The following ZBTB20 variants were observed in gnomAD, a reference collection of about 807,000 sequenced individuals.
ZBTB20 encodes the protein zinc finger and BTB domain containing 20.
A neutral mutation model predicts 56.9 loss-of-function variants in ZBTB20; 9 were observed. The observed-to-expected ratio is 0.16, with a 90% CI of 0.10 to 0.28. The LOEUF is 0.28. Among genes scored for constraint, ZBTB20 ranks in the 10% least tolerant of loss-of-function variants. The pLI, the probability that ZBTB20 is intolerant of heterozygous loss-of-function variation, is 1.00. For synonymous variants in ZBTB20, 417 were observed against 420.7 expected (o/e 0.99, Z 0.11); for missense variants, 655 against 1,003.0 (o/e 0.65, Z 4.69).
chr3:115,009,419 A>G (rs966160060), intron 2 of ZBTB20, among the ~76,000 whole-genome samples: 1 of 151,938 alleles, frequency 6.6e-6, no homozygotes, highest in African/African-American at 2.4e-5. Context: ...TATTCTCCCA[A>G]CAATGCTTTC....
intron 5 of ZBTB20, among the ~76,000 whole-genome samples, chr3:114,789,181 A>C (rs2070765412): frequency 6.6e-6 from 1 of 152,150 alleles, no homozygotes; most frequent in Non-Finnish European, 1.5e-5. Flanking sequence ...ATGTGTTCAA[A>C]TTTGGTCATT....
chr3:114,694,016 T>C (rs1432982414), intron 5 of ZBTB20, among the ~76,000 whole-genome samples: 3 of 152,148 alleles, frequency 2.0e-5, no homozygotes. Flanking sequence ...TCTTTGTTTT[T>C]AGTTGTTTGT....
chr3:114,990,679 G>GTACCTCCTT (rs2078763774), intron 2 of ZBTB20, among the ~76,000 whole-genome samples: 2 of 152,170 alleles, frequency 1.3e-5, no homozygotes, highest in Admixed American at 6.5e-5. Flanking sequence ...CAGGAGGAAT[G>GTACCTCCTT]GTACCAGCTC....
At chr3:115,049,233 A>G (rs1318706863) in intron 2 of ZBTB20, among the ~76,000 whole-genome samples, 1 of 152,150 alleles carries the variant, frequency 6.6e-6, no homozygotes, top group Non-Finnish European at 1.5e-5. Flanking sequence ...AGCAATTATT[A>G]TAAGATATTG....
At chr3:114,566,904 TAA>T in intron 6 of ZBTB20, among the ~76,000 whole-genome samples, 1 of 152,242 alleles carries the variant, frequency 6.6e-6, no homozygotes, top group Non-Finnish European at 1.5e-5. Context: ...AAGCTAATGA[TAA>T]TGGTTAGTGC....
intron 2 of ZBTB20, among the ~76,000 whole-genome samples, chr3:115,070,785 A>G (rs2082382639): frequency 6.6e-6 from 1 of 152,076 alleles, no homozygotes; most frequent in Non-Finnish European, 1.5e-5. Context: ...CCCAAAGCAT[A>G]AACATATATA....
At chr3:114,849,229 A>G (rs1009688006) in intron 4 of ZBTB20, among the ~76,000 whole-genome samples, 1 of 152,198 alleles carries the variant, frequency 6.6e-6, no homozygotes, top group African/African-American at 2.4e-5. Flanking sequence ...GGGATAATCT[A>G]ATCATTTCTT....
At chr3:114,894,904 T>C (rs2074808833) in intron 4 of ZBTB20, among the ~76,000 whole-genome samples, 1 of 152,198 alleles carries the variant, frequency 6.6e-6, no homozygotes, top group Non-Finnish European at 1.5e-5. Context: ...TGGTCGAAAC[T>C]ATACATTTGA....
chr3:114,796,902 CA>C (rs1285115074), intron 5 of ZBTB20, among the ~76,000 whole-genome samples: 1 of 151,672 alleles, frequency 6.6e-6, no homozygotes, highest in Admixed American at 6.6e-5. Context: ...CTGAGTTATC[CA>C]TAGTGAAATA....
chr3:114,955,813 C>T (rs993420111), intron 3 of ZBTB20, among the ~76,000 whole-genome samples: 1 of 151,986 alleles, frequency 6.6e-6, no homozygotes, highest in Non-Finnish European at 1.5e-5. Context: ...GGGGGGTGTA[C>T]TTTATTCTGT....
At chr3:114,818,868 G>A (rs2073093303) in intron 4 of ZBTB20, among the ~76,000 whole-genome samples, 1 of 151,936 alleles carries the variant, frequency 6.6e-6, no homozygotes, top group Non-Finnish European at 1.5e-5. Flanking sequence ...AAAGGAAATA[G>A]ACAGTCATCT....
chr3:114,978,383 A>G (rs1038988965), intron 2 of ZBTB20, among the ~76,000 whole-genome samples: 1 of 150,648 alleles, frequency 6.6e-6, no homozygotes, highest in Non-Finnish European at 1.5e-5. Flanking sequence ...ATGAAATAAT[A>G]TTAATCTGCA....
At chr3:114,802,444 G>A (rs1409551601) in intron 4 of ZBTB20, among the ~76,000 whole-genome samples, 1 of 151,728 alleles carries the variant, frequency 6.6e-6, no homozygotes, top group African/African-American at 2.4e-5. Context: ...AACATGCTCA[G>A]GTTCACAGTA....
chr3:115,050,113 T>C (rs1286164251), intron 2 of ZBTB20, among the ~76,000 whole-genome samples: 2 of 152,038 alleles, frequency 1.3e-5, no homozygotes, highest in Non-Finnish European at 2.9e-5. Flanking sequence ...TAAGTGACAG[T>C]ATCAAAGATG....
At chr3:115,012,450 T>A (rs2079761730) in intron 2 of ZBTB20, among the ~76,000 whole-genome samples, 1 of 151,524 alleles carries the variant, frequency 6.6e-6, no homozygotes, top group African/African-American at 2.4e-5. Flanking sequence ...ATTCCAAGGA[T>A]GAAAACTATA....
At chr3:114,744,033 C>T (rs1178394733) in intron 5 of ZBTB20, among the ~76,000 whole-genome samples, 3 of 152,180 alleles carry the variant, frequency 2.0e-5, no homozygotes, top group African/African-American at 7.2e-5. Flanking sequence ...CCAGTGTGAA[C>T]TTGATTTTTA....
intron 1 of ZBTB20, among the ~76,000 whole-genome samples, chr3:115,144,219 T>C (rs1478252132): frequency 1.3e-5 from 2 of 152,186 alleles, no homozygotes; most frequent in Non-Finnish European, 2.9e-5. Context: ...ATGTAATTAT[T>C]TTATAAATTA....
At chr3:114,672,921 G>A (rs931368005) in intron 6 of ZBTB20, among the ~76,000 whole-genome samples, 9 of 151,982 alleles carry the variant, frequency 5.9e-5, no homozygotes, top group Non-Finnish European at 1.2e-4. Context: ...GATGTCAATG[G>A]CCCTTTCTTG....
At chr3:115,100,412 AAGAGAGAGAGAAGAGG>A (rs2083547814) in intron 1 of ZBTB20, 2 of 151,666 alleles carry the variant, frequency 1.3e-5, no homozygotes, top group African/African-American at 4.9e-5. Flanking sequence ...GCAAGCGAGT[AAGAGAGAGAGAAGAGG>A]AGAGAGAGAG....
Sources: allele counts gnomAD v4.1 joint callset (sites outside exome capture counted in the v4.1 genomes callset), GRCh38; gene constraint gnomAD v4.1.1; transcripts MANE v1.5; gene names NCBI Gene and HGNC (gene_info 2026-07-23, HGNC 2026-07-21).